The following KCNIP4 variants were observed in gnomAD, a reference collection of about 807,000 sequenced individuals.
The protein encoded by KCNIP4 is Kv channel-interacting protein 4.
KCNIP4 carries 12 observed loss-of-function variants against 34.0 expected under a neutral mutation model. The ratio of observed to expected loss-of-function variants is 0.35; its 90% CI spans 0.23 to 0.57. The LOEUF is 0.57. KCNIP4 is among the 20% of genes least tolerant of loss of function. The pLI is 0.83. For missense variants in KCNIP4, 238 were observed against 311.7 expected (o/e 0.76, Z 1.78); for synonymous variants, 124 against 102.2 (o/e 1.21, Z -1.29).
chr4:21,057,688 C>T (rs1433188252), intron 1 of KCNIP4, among the ~76,000 whole-genome samples: 1 of 152,254 alleles, frequency 6.6e-6, no homozygotes, highest in South Asian at 2.1e-4. Context: ...GCACAGTGGT[C>T]GTCTTTGAGG....
At chr4:21,491,569 G>A (rs1356049295) in intron 1 of KCNIP4, among the ~76,000 whole-genome samples, 1 of 151,918 alleles carries the variant, frequency 6.6e-6, no homozygotes, top group Non-Finnish European at 1.5e-5. Flanking sequence ...AAAGAGGTCT[G>A]GCTATGTTGC....
intron 1 of KCNIP4, among the ~76,000 whole-genome samples, chr4:21,291,867 A>AAAGAAAG (rs1560259756): frequency 7.8e-5 from 4 of 51,116 alleles, no homozygotes; most frequent in African/African-American, 3.0e-4. Flanking sequence ...AAAAAAAAAA[A>AAAGAAAG]AAAGAAAGAA....
intron 3 of KCNIP4, among the ~76,000 whole-genome samples, chr4:20,783,078 T>A (rs977909954): frequency 7.2e-5 from 11 of 152,000 alleles, no homozygotes; most frequent in Non-Finnish European, 1.6e-4. Context: ...ATAACAAGAG[T>A]CACCTTTGCT....
At chr4:21,450,271 T>C (rs1267478946) in intron 1 of KCNIP4, among the ~76,000 whole-genome samples, 1 of 152,130 alleles carries the variant, frequency 6.6e-6, no homozygotes, top group Non-Finnish European at 1.5e-5. Context: ...GACTATACTA[T>C]AGTAAAAAAA....
chr4:20,984,223 A>T (rs1736366080), intron 1 of KCNIP4, among the ~76,000 whole-genome samples: 1 of 152,162 alleles, frequency 6.6e-6, no homozygotes, highest in Admixed American at 6.5e-5. Context: ...TCGACTTCAG[A>T]GCTGCGAGGG....
intron 1 of KCNIP4, among the ~76,000 whole-genome samples, chr4:21,720,680 C>G (rs560568402): frequency 7.6e-6 from 1 of 131,822 alleles, no homozygotes; most frequent in Non-Finnish European, 1.6e-5. Context: ...ATCCCTCCCC[C>G]CTCCCCCACC....
intron 1 of KCNIP4, among the ~76,000 whole-genome samples, chr4:21,281,721 A>T (rs371860783): frequency 6.6e-6 from 1 of 152,278 alleles, no homozygotes; most frequent in African/African-American, 2.4e-5. Flanking sequence ...TTGCATTCCA[A>T]TTATTTGAAA....
intron 1 of KCNIP4, among the ~76,000 whole-genome samples, chr4:21,360,147 C>G (rs1157069004): frequency 2.6e-5 from 4 of 152,044 alleles, no homozygotes; most frequent in Non-Finnish European, 5.9e-5. Context: ...TAATCTCTTA[C>G]TGATTGATAG....
intron 1 of KCNIP4, among the ~76,000 whole-genome samples, chr4:21,761,396 G>GA (rs959005171): frequency 2.0e-5 from 3 of 151,960 alleles, no homozygotes; most frequent in Non-Finnish European, 4.4e-5. Flanking sequence ...AAAATTTGGA[G>GA]AAAAAATAAT....
chr4:21,370,635 GC>G (rs1720249341), intron 1 of KCNIP4, among the ~76,000 whole-genome samples: 1 of 141,354 alleles, frequency 7.1e-6, no homozygotes, highest in South Asian at 2.2e-4. Context: ...GGAAGGCTTA[GC>G]CAAGAAGATG....
At chr4:21,934,446 C>T (rs1370048444) in intron 1 of KCNIP4, among the ~76,000 whole-genome samples, 1 of 152,080 alleles carries the variant, frequency 6.6e-6, no homozygotes, top group Non-Finnish European at 1.5e-5. Flanking sequence ...TCACTTCCCA[C>T]CAGGCTCCAC....
In KCNIP4 at chr4:21,707,411, A is replaced by G. The variant is rs142357364; in HGVS notation, c.61+241160T>C. Reference sequence around the variant, plus strand: ...TTTTTCTAGAAGATGAGATTGAACTATTCTTTGTTTGGTTGTGTTTTTAAG... The same window carrying G: ...TTTTTCTAGAAGATGAGATTGAACTGTTCTTTGTTTGGTTGTGTTTTTAAG... On this transcript the variant is annotated intron_variant, in intron 1 of 8. Coordinates refer to ENST00000382152, the MANE Select transcript of KCNIP4 (RefSeq NM_025221.6). Among the ~76,000 whole-genome samples the G allele has an allele frequency of 6.4e-3, 976 of 152,234 alleles. 13 individuals are homozygous for G. Among genetic ancestry groups the G allele is most frequent in the African/African-American group, 0.022 (918 of 41,564 alleles).
intron 1 of KCNIP4, among the ~76,000 whole-genome samples, chr4:21,214,629 TA>T (rs1398351488): frequency 6.6e-6 from 1 of 152,192 alleles, no homozygotes; most frequent in African/African-American, 2.4e-5. Flanking sequence ...CAAAAGGCCT[TA>T]CCATTGAATA....
chr4:21,565,577 G>A (rs148173404), intron 1 of KCNIP4, among the ~76,000 whole-genome samples: 4 of 152,106 alleles, frequency 2.6e-5, no homozygotes, highest in African/African-American at 7.2e-5. Flanking sequence ...TGTGTCATAC[G>A]GCTATTCATG....
chr4:21,029,296 A>G lies in KCNIP4; in HGVS notation c.62-146587T>C, dbSNP rs537958804. Among the ~76,000 whole-genome samples, 7 of 152,240 alleles carry G rather than the reference A, an allele frequency of 4.6e-5. No homozygotes were observed. In the East Asian group the frequency reaches 1.4e-3, roughly 29 times the overall value. On this transcript the variant is annotated intron_variant, in intron 1 of 8. Coordinates refer to ENST00000382152, the MANE Select transcript of KCNIP4 (RefSeq NM_025221.6). The stretch of plus-strand genomic sequence containing the variant: ...CTCTGACTTAATTTTTTTCCCAAAC[A>G]TTAGGTTTCCTGAGTGCAAAGTTGT...
At chr4:21,720,506 T>C (rs1257314109) in intron 1 of KCNIP4, among the ~76,000 whole-genome samples, 1 of 147,970 alleles carries the variant, frequency 6.8e-6, no homozygotes, top group Non-Finnish European at 1.5e-5. Context: ...GCTGTTGTTT[T>C]TTTTCCCCCA....
At chr4:21,817,355 C>A (rs1379522813) in intron 1 of KCNIP4, among the ~76,000 whole-genome samples, 1 of 152,154 alleles carries the variant, frequency 6.6e-6, no homozygotes, top group Non-Finnish European at 1.5e-5. Flanking sequence ...TATACGTCAT[C>A]TCAGGACCAC....
At chr4:21,097,202 A>C (rs1361204476) in intron 1 of KCNIP4, among the ~76,000 whole-genome samples, 1 of 152,166 alleles carries the variant, frequency 6.6e-6, no homozygotes, top group Non-Finnish European at 1.5e-5. Flanking sequence ...CCAAATGTCC[A>C]TCAGTGAGTG....
At chr4:21,743,874 G>A (rs967057815) in intron 1 of KCNIP4, among the ~76,000 whole-genome samples, 2 of 150,378 alleles carry the variant, frequency 1.3e-5, no homozygotes, top group Admixed American at 6.7e-5. Context: ...CATAGTTAAT[G>A]GAATTTTGAA....
Sources: allele counts gnomAD v4.1 joint callset (sites outside exome capture counted in the v4.1 genomes callset), GRCh38; gene constraint gnomAD v4.1.1; transcripts MANE v1.5; gene names NCBI Gene and HGNC (gene_info 2026-07-23, HGNC 2026-07-21).